The following RPS6KC1 variants were observed in gnomAD, a reference collection of about 807,000 sequenced individuals.
RPS6KC1 encodes inactive ribosomal protein S6 kinase delta-1.
Under a neutral mutation model 103.8 loss-of-function variants are expected in RPS6KC1, and 54 were observed. The observed-to-expected ratio is 0.52, with a 90% CI of 0.42 to 0.65. The LOEUF is 0.65. RPS6KC1 is among the 30% of genes least tolerant of loss of function. The pLI, the probability that RPS6KC1 is intolerant of heterozygous loss-of-function variation, is 0.00. For missense variants in RPS6KC1, 1,151 were observed against 1,253.8 expected (o/e 0.92, Z 1.24); for synonymous variants, 439 against 438.7 (o/e 1.00, Z -0.01).
chr1:213,179,103 CAT>C (rs956184355), intron 8 of RPS6KC1, among the ~76,000 whole-genome samples: 5 of 152,006 alleles, frequency 3.3e-5, no homozygotes, highest in African/African-American at 9.7e-5. Flanking sequence ...AAATTTATAA[CAT>C]ATTCCTGTGA....
At chr1:213,572,206 G>A in the RPS6KC1 span, among the ~76,000 whole-genome samples, 5 of 152,342 alleles carry the variant, frequency 3.3e-5, no homozygotes, top group South Asian at 2.1e-4. Flanking sequence ...GCCAAGCCCC[G>A]TGGAGGGGAA....
intron 1 of RPS6KC1, among the ~76,000 whole-genome samples, chr1:213,051,852 A>G (rs1362399282): frequency 6.6e-6 from 1 of 152,212 alleles, no homozygotes; most frequent in Non-Finnish European, 1.5e-5. Context: ...CTCCAGGAAG[A>G]TAATGCAGAT....
At chr1:213,396,086 G>T in the RPS6KC1 span, among the ~76,000 whole-genome samples, 8 of 152,220 alleles carry the variant, frequency 5.3e-5, no homozygotes, top group Non-Finnish European at 1.2e-4. Flanking sequence ...GATGGGAATA[G>T]CATGGAGAAA....
chr1:213,361,227 C>G, the RPS6KC1 span, among the ~76,000 whole-genome samples: 45 of 152,380 alleles, frequency 3.0e-4, no homozygotes, highest in African/African-American at 1.1e-3. Flanking sequence ...TTCCCTGCCA[C>G]TTTGTTTACC....
the RPS6KC1 span, among the ~76,000 whole-genome samples, chr1:213,646,046 G>A: frequency 1.3e-5 from 2 of 152,152 alleles, no homozygotes; most frequent in African/African-American, 4.8e-5. Flanking sequence ...AAATCACTTT[G>A]TTTTCATACA....
chr1:213,061,643 A>C (rs1316494743), intron 1 of RPS6KC1, among the ~76,000 whole-genome samples: 1 of 151,912 alleles, frequency 6.6e-6, no homozygotes, highest in Non-Finnish European at 1.5e-5. Context: ...CAGTATGTTA[A>C]CATGAAAGTA....
chr1:213,776,376 G>A, the RPS6KC1 span, among the ~76,000 whole-genome samples: 1 of 151,994 alleles, frequency 6.6e-6, no homozygotes, highest in East Asian at 1.9e-4. Flanking sequence ...CAGAATGGAT[G>A]TTGTGTTAGC....
At chr1:213,265,439 A>T (rs2094891266) in intron 14 of RPS6KC1, among the ~76,000 whole-genome samples, 1 of 152,202 alleles carries the variant, frequency 6.6e-6, no homozygotes, top group South Asian at 2.1e-4. Flanking sequence ...TTACATGTTT[A>T]TGTGTTTCCT....
chr1:213,092,111 T>A (rs1481774432), intron 3 of RPS6KC1, among the ~76,000 whole-genome samples: 4 of 152,184 alleles, frequency 2.6e-5, no homozygotes, highest in African/African-American at 4.8e-5. Context: ...CAAATGTTAG[T>A]GCAGTAAAAA....
At chr1:213,793,653 A>C in the RPS6KC1 span, among the ~76,000 whole-genome samples, 8 of 152,300 alleles carry the variant, frequency 5.3e-5, no homozygotes, top group East Asian at 1.4e-3. Flanking sequence ...GTCAGTCAAG[A>C]CTAACCGGAG....
At chr1:213,089,426 T>C (rs933628158) in intron 3 of RPS6KC1, among the ~76,000 whole-genome samples, 6 of 152,166 alleles carry the variant, frequency 3.9e-5, no homozygotes, top group African/African-American at 1.2e-4. Flanking sequence ...CCCTTTCCCA[T>C]TGCAACTACT....
intron 1 of RPS6KC1, among the ~76,000 whole-genome samples, chr1:213,052,382 G>A (rs1393051466): frequency 6.6e-6 from 1 of 152,118 alleles, no homozygotes; most frequent in Admixed American, 6.5e-5. Context: ...TACATTGCAA[G>A]GCAGTAGCAG....
At chr1:213,760,848 CTT>C in the RPS6KC1 span, among the ~76,000 whole-genome samples, 1,927 of 117,090 alleles carry the variant, frequency 0.016, 46 homozygotes, top group Admixed American at 0.077. Context: ...TGTGAGTCTA[CTT>C]TTTTTTTTTT....
chr1:213,409,101 T>C, the RPS6KC1 span, among the ~76,000 whole-genome samples: 1 of 151,770 alleles, frequency 6.6e-6, no homozygotes, highest in Non-Finnish European at 1.5e-5. Flanking sequence ...CACGTTGGAG[T>C]GGATTCACTG....
chr1:213,781,175 G>C, the RPS6KC1 span, among the ~76,000 whole-genome samples: 2 of 152,182 alleles, frequency 1.3e-5, no homozygotes, highest in Admixed American at 6.5e-5. Flanking sequence ...ATAACGTAAA[G>C]GTCACTGGTT....
At chr1:213,804,719 G>A in the RPS6KC1 span, among the ~76,000 whole-genome samples, 1 of 152,170 alleles carries the variant, frequency 6.6e-6, no homozygotes, top group Non-Finnish European at 1.5e-5. Context: ...CGTTTTATTT[G>A]CAGATGTGCC....
chr1:213,559,696 G>C, the RPS6KC1 span, among the ~76,000 whole-genome samples: 1 of 152,214 alleles, frequency 6.6e-6, no homozygotes, highest in Non-Finnish European at 1.5e-5. Context: ...TAGGCATATA[G>C]ATCAGTGCTA....
the RPS6KC1 span, among the ~76,000 whole-genome samples, chr1:213,689,257 G>A: frequency 1.3e-5 from 2 of 152,156 alleles, no homozygotes; most frequent in Non-Finnish European, 2.9e-5. Context: ...GAATGACGAA[G>A]CTCTGTGTGT....
chr1:213,225,351 T>A (rs1558577361), intron 8 of RPS6KC1, among the ~76,000 whole-genome samples: 1 of 152,036 alleles, frequency 6.6e-6, no homozygotes, highest in Non-Finnish European at 1.5e-5. Flanking sequence ...AAAGTAAATA[T>A]AAACAAAGCA....
Sources: allele counts gnomAD v4.1 joint callset (sites outside exome capture counted in the v4.1 genomes callset), GRCh38; gene constraint gnomAD v4.1.1; transcripts MANE v1.5; gene names NCBI Gene and HGNC (gene_info 2026-07-23, HGNC 2026-07-21).